PROM1: variants seen among roughly 807,000 people sequenced by gnomAD.
The protein encoded by PROM1 is prominin-1.
A neutral mutation model predicts 116.9 loss-of-function variants in PROM1; 105 were observed. That is an observed-to-expected ratio of 0.90 (90% CI 0.77 to 1.06). The LOEUF (loss-of-function observed/expected upper bound fraction) is 1.06. Among genes scored for constraint, PROM1 ranks in the 50% least tolerant of loss-of-function variants. PROM1 has a pLI of 0.00. For synonymous variants in PROM1, 393 were observed against 387.0 expected (o/e 1.02, Z -0.18); for missense variants, 1,122 against 1,045.2 (o/e 1.07, Z -1.01).
At chr4:16,000,826 G>A (rs1723621034) in intron 13 of PROM1, among the ~76,000 whole-genome samples, 1 of 151,982 alleles carries the variant, frequency 6.6e-6, no homozygotes, top group Non-Finnish European at 1.5e-5. Flanking sequence ...ACTGGATGGG[G>A]GCCTGGGGAC....
chr4:15,975,826 T>C (rs1475247894), intron 26 of PROM1, among the ~76,000 whole-genome samples: 1 of 152,202 alleles, frequency 6.6e-6, no homozygotes, highest in African/African-American at 2.4e-5. Flanking sequence ...TGTGCAGGAA[T>C]GAAAACAAGT....
intron 1 of PROM1, chr4:16,081,960 A>G (rs1745127527): frequency 6.6e-6 from 1 of 152,110 alleles, no homozygotes; most frequent in South Asian, 2.1e-4. Context: ...TAGACAGACA[A>G]CAGCAACAGT....
At chr4:15,996,123 T>C (rs1490206827) in intron 15 of PROM1, among the ~76,000 whole-genome samples, 1 of 152,238 alleles carries the variant, frequency 6.6e-6, no homozygotes, top group Non-Finnish European at 1.5e-5. Flanking sequence ...CCATCAGTCT[T>C]GGCATACAGA....
intron 2 of PROM1, among the ~76,000 whole-genome samples, chr4:16,064,690 C>T (rs996614090): frequency 1.3e-5 from 2 of 152,080 alleles, no homozygotes; most frequent in Non-Finnish European, 2.9e-5. Context: ...GTCACGAGTT[C>T]GAGACCAGCC....
In PROM1 at chr4:15,979,411, T is replaced by G; in HGVS notation, c.2566A>C (p.Asn856His). Residue 856 changes from asparagine (N) to histidine (H), a missense_variant, in exon 26 of 28, where the codon AAT (asparagine) becomes CAT (histidine). Asn to His is a moderately conservative substitution (Grantham distance 68, BLOSUM62 1). Transcript: ENST00000447510. The stretch of plus-strand genomic sequence containing the variant: ...TTGCTTTACCTTGTCATAACAGGAT[T>G]GTGAATACCATATACATGATCTTTA... ...YHKDHVYGIH[N>H]PVMTSPSQH is the part of the protein sequence containing the mutation. 6.2e-7 allele frequency: 1 copy of G among 1,613,772 alleles called. No homozygotes were observed. Among genetic ancestry groups the G allele is most frequent in the Non-Finnish European group, 8.5e-7 (1 of 1,179,796 alleles).
At chr4:16,026,061 G>A (rs552274834) in intron 5 of PROM1, among the ~76,000 whole-genome samples, 11 of 152,244 alleles carry the variant, frequency 7.2e-5, no homozygotes, top group South Asian at 6.2e-4. Context: ...GGACACTTAC[G>A]CATATGTACT....
At chr4:16,057,426 G>A (rs1023438594) in intron 2 of PROM1, among the ~76,000 whole-genome samples, 1 of 152,160 alleles carries the variant, frequency 6.6e-6, no homozygotes, top group Non-Finnish European at 1.5e-5. Flanking sequence ...ATCATAATTC[G>A]GGAACTTAGA....
intron 2 of PROM1, among the ~76,000 whole-genome samples, chr4:16,069,573 G>C (rs1381218871): frequency 5.9e-5 from 9 of 152,210 alleles, no homozygotes; most frequent in Admixed American, 5.9e-4. Flanking sequence ...ACTAGTCCTA[G>C]AGATGGGAGT....
At chr4:16,030,704 A>C (rs1732473926) in intron 5 of PROM1, among the ~76,000 whole-genome samples, 1 of 152,176 alleles carries the variant, frequency 6.6e-6, no homozygotes, top group African/African-American at 2.4e-5. Context: ...AACATGCATA[A>C]CACATAACTA....
intron 2 of PROM1, among the ~76,000 whole-genome samples, chr4:16,063,220 T>C (rs1276155382): frequency 6.6e-6 from 1 of 151,872 alleles, no homozygotes; most frequent in Non-Finnish European, 1.5e-5. Context: ...CTAAGGGAAA[T>C]AGTGTAGGAA....
chr4:15,972,938 C>G (rs1714986933), intron 26 of PROM1, among the ~76,000 whole-genome samples: 1 of 152,038 alleles, frequency 6.6e-6, no homozygotes, highest in Non-Finnish European at 1.5e-5. Flanking sequence ...GAGGTGGAAT[C>G]TGTTTGTCAA....
intron 19 of PROM1, among the ~76,000 whole-genome samples, chr4:15,988,068 G>A (rs888105547): frequency 6.7e-5 from 10 of 149,294 alleles, no homozygotes; most frequent in African/African-American, 1.8e-4. Context: ...AGTAGAGACG[G>A]GGTTTCACCG....
At chr4:16,053,905 G>T (rs1738416306) in intron 2 of PROM1, among the ~76,000 whole-genome samples, 1 of 152,138 alleles carries the variant, frequency 6.6e-6, no homozygotes, top group East Asian at 1.9e-4. Context: ...GACCAGTGTG[G>T]CCAACATGAT....
At chr4:15,995,399 G>A (rs539349179) in intron 15 of PROM1, among the ~76,000 whole-genome samples, 1 of 152,034 alleles carries the variant, frequency 6.6e-6, no homozygotes, top group South Asian at 2.1e-4. Flanking sequence ...AAAGGAGGAG[G>A]AGGAGGAGAA....
chr4:16,008,188 G>A (rs1428364210), intron 12 of PROM1, among the ~76,000 whole-genome samples: 1 of 152,162 alleles, frequency 6.6e-6, no homozygotes, highest in African/African-American at 2.4e-5. Flanking sequence ...ACTCCCCATG[G>A]GCTTGGGAGA....
At chr4:16,033,556 T>TTCAAACA in intron 4 of PROM1, 47 bp from the exon 5 acceptor site, 1 of 1,016,364 alleles carries the variant, frequency 9.8e-7, no homozygotes, top group Non-Finnish European at 1.4e-6. Flanking sequence ...CACAAAATAA[T>TTCAAACA]AAGTAGAACA....
At chr4:15,984,762 TC>T (rs1718904774) in intron 22 of PROM1, among the ~76,000 whole-genome samples, 1 of 152,042 alleles carries the variant, frequency 6.6e-6, no homozygotes, top group Admixed American at 6.6e-5. Flanking sequence ...TCTGTCACTG[TC>T]TCCCATTACT....
intron 15 of PROM1, among the ~76,000 whole-genome samples, chr4:15,994,810 G>C (rs2149140288): frequency 6.6e-6 from 1 of 152,322 alleles, no homozygotes; most frequent in Non-Finnish European, 1.5e-5. Flanking sequence ...CTCTAGGCCT[G>C]AGGGATGCCT....
At chr4:16,044,617 TGAAA>T (rs1454882760) in intron 2 of PROM1, among the ~76,000 whole-genome samples, 1 of 152,164 alleles carries the variant, frequency 6.6e-6, no homozygotes, top group Non-Finnish European at 1.5e-5. Flanking sequence ...ACTGTTCAAG[TGAAA>T]GAGATTATTC....
Sources: gnomAD v4.1 joint callset for allele counts (sites outside exome capture counted in the v4.1 genomes callset) on GRCh38, gnomAD v4.1.1 for gene constraint, MANE v1.5 for transcripts, NCBI Gene and HGNC (gene_info 2026-07-23, HGNC 2026-07-21) for gene names.